The following RUNX1 variants were observed in gnomAD, a reference collection of about 807,000 sequenced individuals.
RUNX1 encodes the protein RUNX family transcription factor 1, also known as runt-related transcription factor 1.
Under a neutral mutation model 42.8 loss-of-function variants are expected in RUNX1, and 19 were observed. The ratio of observed to expected loss-of-function variants is 0.44; its 90% CI spans 0.31 to 0.65. The LOEUF is 0.65. Among genes scored for constraint, RUNX1 ranks in the 30% least tolerant of loss-of-function variants. The pLI is 0.07. For synonymous variants in RUNX1, 271 were observed against 289.4 expected, an observed-to-expected ratio of 0.94 and a Z score of 0.64; for missense variants, 528 against 672.0, an observed-to-expected ratio of 0.79 and a Z score of 2.37.
intron 2 of RUNX1, among the ~76,000 whole-genome samples, chr21:35,042,671 G>T (rs553431808): frequency 6.6e-6 from 1 of 152,308 alleles, no homozygotes; most frequent in Admixed American, 6.5e-5. Flanking sequence ...CAGATCAGAG[G>T]TGCAGGCCAT....
chr21:34,815,266 A>G (rs561938169), intron 7 of RUNX1, among the ~76,000 whole-genome samples: 2 of 152,332 alleles, frequency 1.3e-5, no homozygotes, highest in South Asian at 4.1e-4. Flanking sequence ...TGTGTGTTTT[A>G]GACAACTGTG....
At chr21:34,887,873 C>T (rs761368320) in intron 3 of RUNX1, 1 of 1,064,882 alleles carries the variant, frequency 9.4e-7, no homozygotes, top group Non-Finnish European at 1.1e-6. Context: ...GTTCTCTGTT[C>T]TCTCAATGAA....
In RUNX1 at chr21:34,886,985, T is replaced by A. The variant is rs1411791016; in HGVS notation, c.209A>T (p.Lys70Met). ...CATGCTGCGGTCGCCGCTCCTCAGCTTGCCGGCCAGGGCAGCGCCGGCGTC... is the reference window on the plus strand; with the variant it reads ...CATGCTGCGGTCGCCGCTCCTCAGCATGCCGGCCAGGGCAGCGCCGGCGTC... ...APDAGAALAG[K>M]LRSGDRSMVE... Residue 70 changes from lysine (K) to methionine (M), a missense_variant, in exon 4 of 9, where the codon AAG becomes ATG. Physicochemically the swap from Lys to Met is moderately conservative, Grantham distance 95. Transcript: ENST00000675419. 1.2e-6 allele frequency: 2 copies of A among 1,608,578 alleles called. No homozygotes were observed. Among genetic ancestry groups the A allele is most frequent in the South Asian group, 2.2e-5 (2 of 90,914 alleles).
At chr21:34,903,608 C>T (rs1345428385) in intron 2 of RUNX1, among the ~76,000 whole-genome samples, 3 of 152,166 alleles carry the variant, frequency 2.0e-5, no homozygotes, top group Admixed American at 1.3e-4. Context: ...GTCTTGCTTA[C>T]AAGGTCTTGA....
intron 2 of RUNX1, among the ~76,000 whole-genome samples, chr21:34,971,187 T>G (rs1477395833): frequency 6.6e-6 from 1 of 152,218 alleles, no homozygotes. Context: ...CCTAGAGCTA[T>G]GAAGAAATAC....
intron 2 of RUNX1, among the ~76,000 whole-genome samples, chr21:34,914,331 C>T (rs1235544177): frequency 6.6e-6 from 1 of 152,154 alleles, no homozygotes; most frequent in Non-Finnish European, 1.5e-5. Flanking sequence ...GTGGCTTGCC[C>T]TGGGTCATGC....
Position 34,907,021 on chromosome 21 carries a change from A to G in RUNX1, c.59-14058T>C, listed in dbSNP as rs1313415920. Among the ~76,000 whole-genome samples the G allele has an allele frequency of 1.3e-5, 2 of 152,210 alleles. No homozygotes were observed. Among genetic ancestry groups the G allele is most frequent in the Non-Finnish European group, 2.9e-5 (2 of 68,048 alleles). ...CTCCCTCTGACTTTAGTGAGTGTAC[A>G]ATGCAAATAGGTGTTTTGATATTGT... is the stretch of plus-strand genomic sequence containing the variant. On this transcript the variant is annotated intron_variant, in intron 2 of 8. Coordinates refer to ENST00000675419, the MANE Select transcript of RUNX1 (RefSeq NM_001754.5). This position sits in a 1 kb window ranked among gnomAD's most constrained non-coding sequence, Gnocchi z 5.3.
At chr21:35,006,933 G>A (rs942675265) in intron 2 of RUNX1, among the ~76,000 whole-genome samples, 1 of 152,132 alleles carries the variant, frequency 6.6e-6, no homozygotes, top group South Asian at 2.1e-4. Context: ...GAAGTACCCA[G>A]TTAAGGAGGA....
intron 2 of RUNX1, among the ~76,000 whole-genome samples, chr21:34,968,827 T>A (rs185720617): frequency 6.6e-6 from 1 of 152,278 alleles, no homozygotes; most frequent in African/African-American, 2.4e-5. Context: ...GAAAGTGTTG[T>A]CATTTCTGAA....
chr21:34,973,129 A>G (rs146264512), intron 2 of RUNX1, among the ~76,000 whole-genome samples: 43 of 152,310 alleles, frequency 2.8e-4, no homozygotes, highest in African/African-American at 9.6e-4. Context: ...TCTGTCTCTT[A>G]GAGACTATCT....
At chr21:34,887,372 A>C (rs2058013907) in intron 3 of RUNX1, 1 of 1,419,456 alleles carries the variant, frequency 7.0e-7, no homozygotes, top group African/African-American at 1.4e-5. Flanking sequence ...TGCTTAGTGC[A>C]TTAAAAAGTG....
chr21:34,946,750 G>C (rs1249356830), intron 2 of RUNX1, among the ~76,000 whole-genome samples: 1 of 152,126 alleles, frequency 6.6e-6, no homozygotes, highest in Non-Finnish European at 1.5e-5. Flanking sequence ...GACATGGATG[G>C]GGTGGCAGTC....
chr21:34,874,512 A>AT (rs750451264), intron 5 of RUNX1, among the ~76,000 whole-genome samples: 3 of 145,304 alleles, frequency 2.1e-5, no homozygotes, highest in Non-Finnish European at 4.5e-5. Context: ...TGGGAGGCCG[A>AT]GGTAGGAGAA....
intron 2 of RUNX1, among the ~76,000 whole-genome samples, chr21:34,965,110 C>T (rs1047451033): frequency 1.3e-5 from 2 of 152,016 alleles, no homozygotes; most frequent in African/African-American, 4.8e-5. Flanking sequence ...CACGCACATA[C>T]ACTCCTTTCC....
intron 2 of RUNX1, among the ~76,000 whole-genome samples, chr21:34,957,501 G>C (rs554391250): frequency 5.3e-5 from 8 of 152,214 alleles, no homozygotes; most frequent in African/African-American, 1.9e-4. Context: ...TCTGGGCAAG[G>C]GGTGCCTGTG....
At position 34,789,384 on chromosome 21, in the gene RUNX1, A is replaced by C. The variant is rs2056408024; in HGVS notation, c.*2751T>G. The C allele has an allele frequency of 4.3e-6, 1 of 233,600 alleles. No individual in the cohort carries two copies. The highest frequency in any genetic ancestry group is 2.2e-5 in the African/African-American group (1 of 45,328). 14.5% of individuals were successfully genotyped at this position (233,600 alleles called of 1,614,324 possible). A position where few individuals can be genotyped will look rare whatever the true frequency, so the allele number is the denominator to read the frequency against. ...TTTTCAGATAGTGAGAAAAAGAAAG[A>C]ACTGAAATATGTATCCATGTTGAAA... On this transcript the variant is annotated 3_prime_UTR_variant, in exon 9 of 9. Coordinates refer to ENST00000675419, the MANE Select transcript of RUNX1 (RefSeq NM_001754.5).
chr21:34,881,571 G>C (rs756610220), intron 4 of RUNX1, among the ~76,000 whole-genome samples: 4 of 152,206 alleles, frequency 2.6e-5, no homozygotes, highest in Admixed American at 6.5e-5. Context: ...GTATCTGTGA[G>C]TCTCAGCGTG....
intron 2 of RUNX1, among the ~76,000 whole-genome samples, chr21:34,920,278 T>C (rs1307499524): frequency 6.6e-6 from 1 of 152,220 alleles, no homozygotes; most frequent in Non-Finnish European, 1.5e-5. Context: ...ACCAAGGTCT[T>C]TCCCAAAACC....
chr21:34,938,375 A>C (rs1209678505), intron 2 of RUNX1, among the ~76,000 whole-genome samples: 1 of 152,180 alleles, frequency 6.6e-6, no homozygotes, highest in African/African-American at 2.4e-5. Context: ...ATTAGAATGA[A>C]AAATCGGAAT....
Sources: gnomAD v4.1 joint callset for allele counts (sites outside exome capture counted in the v4.1 genomes callset) on GRCh38, gnomAD v4.1.1 for gene constraint, Gnocchi (gnomAD v3.1) non-coding constraint, MANE v1.5 for transcripts, NCBI Gene and HGNC (gene_info 2026-07-23, HGNC 2026-07-21) for gene names.